Variants in HCN1 observed in about 807,000 individuals in gnomAD.
HCN1 encodes potassium/sodium hyperpolarization-activated cyclic nucleotide-gated channel 1.
In HCN1, 13 loss-of-function variants were observed where a neutral mutation model predicts 78.9. The ratio of observed to expected loss-of-function variants is 0.16; its 90% CI spans 0.11 to 0.26. The LOEUF is 0.26. HCN1 is among the 10% of genes least tolerant of loss of function. The pLI, the probability that HCN1 is intolerant of heterozygous loss-of-function variation, is 1.00. For missense variants in HCN1, 810 were observed against 1,154.3 expected, an observed-to-expected ratio of 0.70 and a Z score of 4.32; for synonymous variants, 552 against 455.5, an observed-to-expected ratio of 1.21 and a Z score of -2.70.
At chr5:45,317,377 A>C (rs1221347145) in intron 5 of HCN1, among the ~76,000 whole-genome samples, 1 of 152,242 alleles carries the variant, frequency 6.6e-6, no homozygotes, top group Admixed American at 6.5e-5. Context: ...TAGAAAGCTG[A>C]AACTGGATCC....
chr5:45,587,050 C>T (rs894541940), intron 2 of HCN1, among the ~76,000 whole-genome samples: 1 of 152,152 alleles, frequency 6.6e-6, no homozygotes, highest in African/African-American at 2.4e-5. Context: ...CAGGAAACAA[C>T]AGGTGCTGGA....
intron 2 of HCN1, among the ~76,000 whole-genome samples, chr5:45,464,293 T>G (rs1219416043): frequency 6.6e-6 from 1 of 152,088 alleles, no homozygotes; most frequent in Non-Finnish European, 1.5e-5. Context: ...ACTTTTTGTT[T>G]TGCTACTATG....
At chr5:45,581,109 C>G (rs1744062104) in intron 2 of HCN1, among the ~76,000 whole-genome samples, 1 of 152,228 alleles carries the variant, frequency 6.6e-6, no homozygotes, top group African/African-American at 2.4e-5. Context: ...TGAGCAATCG[C>G]CACACTGACT....
At chr5:45,331,779 T>G (rs1746349396) in intron 5 of HCN1, among the ~76,000 whole-genome samples, 1 of 151,374 alleles carries the variant, frequency 6.6e-6, no homozygotes, top group Non-Finnish European at 1.5e-5. Context: ...AAAGTCGATT[T>G]TTAAAAATCA....
chr5:45,619,727 C>T (rs1745021064), intron 2 of HCN1, among the ~76,000 whole-genome samples: 1 of 152,082 alleles, frequency 6.6e-6, no homozygotes, highest in Non-Finnish European at 1.5e-5. Context: ...GTGGACTAAA[C>T]TTTAAGGACA....
intron 2 of HCN1, among the ~76,000 whole-genome samples, chr5:45,585,434 T>G (rs981315107): frequency 6.6e-6 from 1 of 152,168 alleles, no homozygotes; most frequent in African/African-American, 2.4e-5. Context: ...TTCGTCTAAT[T>G]TTTTTTCAAG....
intron 2 of HCN1, among the ~76,000 whole-genome samples, chr5:45,545,113 G>A (rs1367662574): frequency 6.6e-6 from 1 of 152,066 alleles, no homozygotes; most frequent in Admixed American, 6.6e-5. Context: ...AGCACCTGTT[G>A]TTTCCTGACT....
chr5:45,320,750 A>G (rs1271741257), intron 5 of HCN1, among the ~76,000 whole-genome samples: 4 of 151,918 alleles, frequency 2.6e-5, no homozygotes, highest in African/African-American at 9.7e-5. Context: ...AAAGACAGAC[A>G]TGGACATTTG....
At chr5:45,496,986 G>A (rs1021496508) in intron 2 of HCN1, among the ~76,000 whole-genome samples, 2 of 152,112 alleles carry the variant, frequency 1.3e-5, no homozygotes, top group Non-Finnish European at 1.5e-5. Context: ...GGAGCAGGTT[G>A]TTCAGTTTCC....
intron 3 of HCN1, among the ~76,000 whole-genome samples, chr5:45,444,216 G>C (rs1740738889): frequency 6.6e-6 from 1 of 152,046 alleles, no homozygotes. Context: ...AGTTCAGTAA[G>C]AGGCTATTAA....
chr5:45,618,863 G>T (rs147530374), intron 2 of HCN1, among the ~76,000 whole-genome samples: 3 of 151,902 alleles, frequency 2.0e-5, no homozygotes, highest in Admixed American at 1.3e-4. Flanking sequence ...CAATCTAGAC[G>T]GGATATAAAG....
intron 3 of HCN1, among the ~76,000 whole-genome samples, chr5:45,459,966 C>T (rs562059913): frequency 1.3e-5 from 2 of 152,164 alleles, no homozygotes; most frequent in African/African-American, 2.4e-5. Flanking sequence ...AAGTAGACAT[C>T]ACAGGTTTGA....
intron 4 of HCN1, among the ~76,000 whole-genome samples, chr5:45,366,530 T>G (rs1373110775): frequency 6.6e-6 from 1 of 151,794 alleles, no homozygotes; most frequent in Non-Finnish European, 1.5e-5. Context: ...TTTCTTAGCA[T>G]TAGTAATAGC....
intron 2 of HCN1, among the ~76,000 whole-genome samples, chr5:45,578,661 C>T (rs973722772): frequency 1.3e-5 from 2 of 151,908 alleles, no homozygotes; most frequent in Admixed American, 6.6e-5. Context: ...TACTAACCCA[C>T]TTAGTTCTCA....
chr5:45,566,291 G>T (rs1191927322), intron 2 of HCN1, among the ~76,000 whole-genome samples: 1 of 151,754 alleles, frequency 6.6e-6, no homozygotes, highest in African/African-American at 2.4e-5. Flanking sequence ...TTTAGGAAAG[G>T]TATTTTATTT....
At chr5:45,518,061 C>A (rs935395687) in intron 2 of HCN1, among the ~76,000 whole-genome samples, 2 of 152,060 alleles carry the variant, frequency 1.3e-5, no homozygotes, top group Non-Finnish European at 2.9e-5. Flanking sequence ...TGACATTTCA[C>A]ATTTAACTGG....
In HCN1 at chr5:45,679,723, A is replaced by C. The variant is rs143860384; in HGVS notation, c.425+15946T>G. On this transcript the variant is annotated intron_variant, in intron 1 of 7. Coordinates refer to ENST00000303230, the MANE Select transcript of HCN1 (RefSeq NM_021072.4). ...TTTCAATACAAAAAGTAGATATTTA[A>C]AAAATCACATTTAATAAAATTGTTT... Among the ~76,000 whole-genome samples, 65 of 152,260 alleles carry C rather than the reference A, an allele frequency of 4.3e-4. No individual in the cohort carries two copies. The East Asian group carries it at 0.012, about 27-fold the overall frequency.
intron 4 of HCN1, among the ~76,000 whole-genome samples, chr5:45,362,067 T>A (rs1747122133): frequency 6.6e-6 from 1 of 152,088 alleles, no homozygotes; most frequent in Admixed American, 6.6e-5. Context: ...CAGCTAAATG[T>A]GTGCTTGAAT....
intron 5 of HCN1, among the ~76,000 whole-genome samples, chr5:45,316,802 C>T (rs911183172): frequency 3.9e-5 from 6 of 152,120 alleles, no homozygotes; most frequent in Non-Finnish European, 5.9e-5. Flanking sequence ...CATGAGTGAA[C>T]TCCCATTCAC....
Sources: gnomAD v4.1 joint callset for allele counts (sites outside exome capture counted in the v4.1 genomes callset) on GRCh38, gnomAD v4.1.1 for gene constraint, MANE v1.5 for transcripts, NCBI Gene and HGNC (gene_info 2026-07-23, HGNC 2026-07-21) for gene names.